The following SLC24A2 variants were observed in gnomAD, a reference collection of about 807,000 sequenced individuals.
SLC24A2 encodes the protein solute carrier family 24 member 2.
A neutral mutation model predicts 62.0 loss-of-function variants in SLC24A2; 36 were observed. The observed-to-expected ratio is 0.58, with a 90% CI of 0.44 to 0.77. SLC24A2 has a LOEUF of 0.77. Ranked by LOEUF, SLC24A2 falls within the 30% of genes least tolerant of loss-of-function variation. The pLI, the probability that SLC24A2 is intolerant of heterozygous loss-of-function variation, is 0.00. For synonymous variants in SLC24A2, 358 were observed against 294.0 expected (o/e 1.22, Z -2.23); for missense variants, 846 against 817.9 (o/e 1.03, Z -0.42).
the SLC24A2 span, among the ~76,000 whole-genome samples, chr9:20,089,886 C>T: frequency 6.6e-6 from 1 of 151,998 alleles, no homozygotes; most frequent in East Asian, 1.9e-4. Context: ...CCAACAAGCG[C>T]AACCCCAAGC....
the SLC24A2 span, among the ~76,000 whole-genome samples, chr9:20,229,717 T>C: frequency 6.6e-6 from 1 of 152,098 alleles, no homozygotes; most frequent in Non-Finnish European, 1.5e-5. Flanking sequence ...TGATTATTTT[T>C]CTATTTCTTT....
the SLC24A2 span, among the ~76,000 whole-genome samples, chr9:20,002,515 AC>A: frequency 6.6e-6 from 1 of 152,116 alleles, no homozygotes; most frequent in African/African-American, 2.4e-5. Flanking sequence ...AAACTCAGGT[AC>A]CCTTATTAGA....
chr9:19,976,636 A>G, the SLC24A2 span, among the ~76,000 whole-genome samples: 1 of 152,214 alleles, frequency 6.6e-6, no homozygotes, highest in Admixed American at 6.5e-5. Flanking sequence ...ACTAATAATT[A>G]TAAGTAATCT....
At chr9:19,980,794 T>C in the SLC24A2 span, among the ~76,000 whole-genome samples, 15 of 152,168 alleles carry the variant, frequency 9.9e-5, no homozygotes, top group East Asian at 2.3e-3. Flanking sequence ...CAGGACAAAA[T>C]TGTTGAGAGT....
the SLC24A2 span, among the ~76,000 whole-genome samples, chr9:19,867,232 A>G: frequency 4.6e-5 from 7 of 152,190 alleles, no homozygotes; most frequent in African/African-American, 1.4e-4. Context: ...TTAGGAAAAA[A>G]GAAGTGGCAA....
intron 10 of SLC24A2, among the ~76,000 whole-genome samples, chr9:19,517,095 T>G (rs1313196945): frequency 6.6e-6 from 1 of 152,218 alleles, no homozygotes; most frequent in South Asian, 2.1e-4. Flanking sequence ...CATTCACCTT[T>G]TAAAATCTGA....
chr9:19,613,749 C>A lies in SLC24A2; in HGVS notation c.1078+5835G>T, dbSNP rs10116209. On this transcript the variant is annotated intron_variant, in intron 4 of 10. Coordinates refer to ENST00000341998, the MANE Select transcript of SLC24A2 (RefSeq NM_020344.4). The stretch of plus-strand genomic sequence containing the variant: ...TAAGCTGGTGTCTACACCAGGAGAA[C>A]AAGGAATGCTGGGTTGGACATGGGG... Among the ~76,000 whole-genome samples, 3 of 152,142 alleles carry A rather than the reference C, an allele frequency of 2.0e-5. No individual in the cohort carries two copies. In the South Asian group the frequency reaches 6.2e-4, roughly 32 times the overall value.
At chr9:19,909,708 C>T in the SLC24A2 span, among the ~76,000 whole-genome samples, 3 of 152,060 alleles carry the variant, frequency 2.0e-5, no homozygotes, top group African/African-American at 2.4e-5. Flanking sequence ...AGGGCATCTT[C>T]ACAAAGGTAA....
At chr9:20,070,429 TCATAAACAGGTTG>T in the SLC24A2 span, among the ~76,000 whole-genome samples, 4 of 152,244 alleles carry the variant, frequency 2.6e-5, no homozygotes, top group Non-Finnish European at 4.4e-5. Flanking sequence ...CAGCTTTGTC[TCATAAACAGGTTG>T]TTTTGATTAT....
the SLC24A2 span, chr9:19,926,048 C>T: frequency 6.6e-6 from 1 of 152,156 alleles, no homozygotes. Flanking sequence ...ATGGTTTTGG[C>T]TCGAGTTACC....
chr9:19,619,736 G>A (rs772232718), intron 3 of SLC24A2, 44 bp from the exon 4 acceptor site: 18 of 1,427,370 alleles, frequency 1.3e-5, no homozygotes, highest in Non-Finnish European at 1.8e-5. Flanking sequence ...AGGAATGAAA[G>A]ACAAGTGCAT....
the SLC24A2 span, among the ~76,000 whole-genome samples, chr9:19,807,148 T>A: frequency 6.6e-6 from 1 of 152,238 alleles, no homozygotes; most frequent in Admixed American, 6.5e-5. Flanking sequence ...ATTCTGTCCT[T>A]TTTTGGAAAC....
Position 19,512,640 on chromosome 9 carries a change from T to G in SLC24A2, c.*3513A>C, listed in dbSNP as rs1294705788. 4 of 152,224 alleles carry G rather than the reference T, an allele frequency of 2.6e-5. No individual in the cohort carries two copies. Among genetic ancestry groups the G allele is most frequent in the Non-Finnish European group, 1.5e-5 (1 of 68,048 alleles). 9.4% of individuals were successfully genotyped at this position (152,224 alleles called of 1,614,324 possible). ...GTCAGTTTGAGCCAAGCTGCTCTGC[T>G]GCCTTGGAAGTATGGGGGAGGGTAG... On this transcript the variant is annotated 3_prime_UTR_variant, in exon 11 of 11. Coordinates refer to ENST00000341998, the MANE Select transcript of SLC24A2 (RefSeq NM_020344.4).
chr9:19,554,659 T>C (rs1011265688), intron 7 of SLC24A2, among the ~76,000 whole-genome samples: 1 of 152,234 alleles, frequency 6.6e-6, no homozygotes, highest in African/African-American at 2.4e-5. Flanking sequence ...GAAGTGTCCT[T>C]CATACAACTT....
At chr9:19,918,074 C>G in the SLC24A2 span, among the ~76,000 whole-genome samples, 5 of 151,392 alleles carry the variant, frequency 3.3e-5, no homozygotes, top group Admixed American at 6.6e-5. Context: ...TTGAGTTGAA[C>G]TTTATTACAA....
At chr9:20,118,462 T>G in the SLC24A2 span, among the ~76,000 whole-genome samples, 10 of 152,130 alleles carry the variant, frequency 6.6e-5, no homozygotes, top group South Asian at 1.9e-3. Flanking sequence ...TGACTGATGC[T>G]TGAGAGATAA....
At chr9:19,868,405 T>G in the SLC24A2 span, among the ~76,000 whole-genome samples, 2 of 152,350 alleles carry the variant, frequency 1.3e-5, no homozygotes, top group Non-Finnish European at 2.9e-5. Flanking sequence ...TGGTTTCATA[T>G]GGTTTATCCT....
At chr9:20,178,318 C>G in the SLC24A2 span, among the ~76,000 whole-genome samples, 2 of 152,116 alleles carry the variant, frequency 1.3e-5, no homozygotes, top group Non-Finnish European at 2.9e-5. Flanking sequence ...ACCTCCTGTC[C>G]TCGGGTGCTA....
the SLC24A2 span, among the ~76,000 whole-genome samples, chr9:19,823,617 G>A: frequency 6.9e-6 from 1 of 144,230 alleles, no homozygotes; most frequent in African/African-American, 2.5e-5. Flanking sequence ...AATAGAGCAA[G>A]ACTCAGTCTC....
Sources: gnomAD v4.1 joint callset for allele counts (sites outside exome capture counted in the v4.1 genomes callset) on GRCh38, gnomAD v4.1.1 for gene constraint, MANE v1.5 for transcripts, NCBI Gene and HGNC (gene_info 2026-07-23, HGNC 2026-07-21) for gene names.